The following ALCAM variants were observed in gnomAD, a reference collection of about 807,000 sequenced individuals.
ALCAM encodes the protein CD166 antigen.
Under a neutral mutation model 70.9 loss-of-function variants are expected in ALCAM, and 30 were observed. The ratio of observed to expected loss-of-function variants is 0.42; its 90% CI spans 0.32 to 0.57. The LOEUF is 0.57. ALCAM is among the 20% of genes least tolerant of loss of function. The pLI is 0.11. For synonymous variants in ALCAM, 249 were observed against 242.5 expected, an observed-to-expected ratio of 1.03 and a Z score of -0.25; for missense variants, 591 against 695.1, an observed-to-expected ratio of 0.85 and a Z score of 1.68.
chr3:105,473,745 T>G (rs1559803540), intron 1 of ALCAM, among the ~76,000 whole-genome samples: 1 of 151,476 alleles, frequency 6.6e-6, no homozygotes, highest in African/African-American at 2.4e-5. Flanking sequence ...TGTATAGGGC[T>G]CCCATCCACA....
chr3:105,497,962 C>T (rs1002442733), intron 1 of ALCAM, among the ~76,000 whole-genome samples: 12 of 149,496 alleles, frequency 8.0e-5, no homozygotes, highest in Non-Finnish European at 1.5e-4. Context: ...ACCTGGGAGG[C>T]GGAGCTTGCA....
At chr3:105,512,111 T>G (rs1939256355) in intron 1 of ALCAM, among the ~76,000 whole-genome samples, 1 of 152,064 alleles carries the variant, frequency 6.6e-6, no homozygotes, top group Non-Finnish European at 1.5e-5. Flanking sequence ...TTGAGGGATA[T>G]TAAAGCATTA....
At chr3:105,547,872 T>C (rs562577771) in intron 11 of ALCAM, among the ~76,000 whole-genome samples, 51 of 151,616 alleles carry the variant, frequency 3.4e-4, no homozygotes, top group Middle Eastern at 6.8e-3. Context: ...ATATACACTT[T>C]CCTGCAAAAT....
chr3:105,562,862 A>G (rs1940656362), intron 14 of ALCAM, among the ~76,000 whole-genome samples: 1 of 152,052 alleles, frequency 6.6e-6, no homozygotes, highest in Non-Finnish European at 1.5e-5. Flanking sequence ...CTGGAGCGCA[A>G]TGTCACGATC....
chr3:105,432,971 G>T (rs1349854574), intron 1 of ALCAM, among the ~76,000 whole-genome samples: 1 of 152,042 alleles, frequency 6.6e-6, no homozygotes, highest in African/African-American at 2.4e-5. Context: ...ACACTAAAAA[G>T]ATTTTCAGGT....
chr3:105,369,245 G>A (rs1348696254), intron 1 of ALCAM, among the ~76,000 whole-genome samples: 1 of 152,160 alleles, frequency 6.6e-6, no homozygotes, highest in African/African-American at 2.4e-5. Context: ...CGTCACAGGC[G>A]GGCCACGTCG....
rs976285561 is a variant in ALCAM at position 105,524,363 on chromosome 3, A to G, written c.249A>G (p.Val83=). 4 of 1,614,042 alleles carry G rather than the reference A, an allele frequency of 2.5e-6. No individual in the cohort carries two copies. The highest frequency in any genetic ancestry group is 1.3e-5 in the African/African-American group (1 of 74,916). Residue 83 remains valine, a synonymous_variant, in exon 3 of 16, where the codon GTA becomes GTG. Coordinates refer to ENST00000306107, the MANE Select transcript of ALCAM (RefSeq NM_001627.4). Reference sequence around the variant, plus strand: ...AGAAAAGTGTGCAGTACGACGATGTACCAGAATACAAAGACAGATTGAACC... The same window carrying G: ...AGAAAAGTGTGCAGTACGACGATGTGCCAGAATACAAAGACAGATTGAACC... ...STKKSVQYDD[V]PEYKDRLNLS...
intron 1 of ALCAM, among the ~76,000 whole-genome samples, chr3:105,385,925 T>G (rs147366969): frequency 1.1e-4 from 17 of 151,756 alleles, no homozygotes; most frequent in Non-Finnish European, 2.2e-4. Flanking sequence ...TGGTGGGTGC[T>G]GAAGACTTGT....
rs763119175 is a variant in ALCAM at position 105,503,393 on chromosome 3, AC to A, written c.74-16673del. ...TACTTAGTTATGTTGGGAAATGTGA[AC>A]TTTGTAGTTGAAAAATGCAGCAAAC... On this transcript the variant is annotated intron_variant, in intron 1 of 15. Transcript: ENST00000306107. Among the ~76,000 whole-genome samples the A allele has an allele frequency of 5.3e-4, 81 of 152,188 alleles. 2 individuals are homozygous for A. The highest frequency in any genetic ancestry group is 3.8e-3 in the Admixed American group (58 of 15,284).
chr3:105,391,515 G>A (rs1935817311), intron 1 of ALCAM, among the ~76,000 whole-genome samples: 2 of 151,816 alleles, frequency 1.3e-5, no homozygotes, highest in African/African-American at 4.8e-5. Context: ...TCTAGATATA[G>A]GATCATGTCA....
chr3:105,528,898 G>A (rs1419002966), intron 3 of ALCAM, among the ~76,000 whole-genome samples: 2 of 152,060 alleles, frequency 1.3e-5, no homozygotes, highest in Non-Finnish European at 2.9e-5. Flanking sequence ...ATTACAAACC[G>A]AAACCATTTG....
chr3:105,520,080 T>C lies in ALCAM; in HGVS notation c.87T>C (p.Tyr29=). 6.2e-7 allele frequency: 1 copy of C among 1,608,596 alleles called. No homozygotes were observed. The highest frequency in any genetic ancestry group is 8.5e-7 in the Non-Finnish European group (1 of 1,175,902). Residue 29 remains tyrosine, a synonymous_variant, in exon 2 of 16, where the codon TAT becomes TAC. Transcript: ENST00000306107. The part of the protein sequence containing the change: ...ATVFRPGLGW[Y]TVNSAYGDTI... ...TTTCCCCCAAAGGCCTTGGATGGTA[T>C]ACTGTAAATTCAGCATATGGAGATA...
At chr3:105,432,106 T>C (rs1045684073) in intron 1 of ALCAM, among the ~76,000 whole-genome samples, 2 of 152,152 alleles carry the variant, frequency 1.3e-5, no homozygotes, top group Non-Finnish European at 2.9e-5. Context: ...TTAGAGAATA[T>C]TCAGTAAAGC....
intron 6 of ALCAM, among the ~76,000 whole-genome samples, chr3:105,535,668 C>T (rs976862893): frequency 6.6e-6 from 1 of 151,992 alleles, no homozygotes; most frequent in Admixed American, 6.6e-5. Context: ...TTATTAAGTA[C>T]TTTATTATTA....
rs2152628909 is a variant in ALCAM at position 105,540,161 on chromosome 3, C to T, written c.858+59C>T. ...TATCATTTTTCCTGTTGTTTGACTT[C>T]TACATGGATAGATTAAGTGAGAAAA... is the stretch of plus-strand genomic sequence containing the variant. On this transcript the variant is annotated intron_variant, in intron 7 of 15. Coordinates refer to ENST00000306107, the MANE Select transcript of ALCAM (RefSeq NM_001627.4). 8 of 1,521,208 alleles carry T rather than the reference C, an allele frequency of 5.3e-6. No homozygotes were observed. In the East Asian group the frequency reaches 1.8e-4, roughly 35 times the overall value. 94.2% of individuals were successfully genotyped at this position (1,521,208 alleles called of 1,614,324 possible). A position where few individuals can be genotyped will look rare whatever the true frequency, so the allele number is the denominator to read the frequency against.
At chr3:105,487,173 A>T (rs1938454145) in intron 1 of ALCAM, among the ~76,000 whole-genome samples, 2 of 152,050 alleles carry the variant, frequency 1.3e-5, no homozygotes, top group Non-Finnish European at 2.9e-5. Context: ...ACCATGAAAA[A>T]AATTCTGGGG....
intron 1 of ALCAM, among the ~76,000 whole-genome samples, chr3:105,459,517 G>A (rs1937575679): frequency 6.6e-6 from 1 of 151,702 alleles, no homozygotes; most frequent in South Asian, 2.1e-4. Flanking sequence ...GCTTTCGGTG[G>A]GCAATAAATT....
chr3:105,567,135 T>A (rs1940760046), intron 14 of ALCAM, among the ~76,000 whole-genome samples: 1 of 152,180 alleles, frequency 6.6e-6, no homozygotes. Context: ...ATGTTATTGT[T>A]CTCCTGAACA....
At chr3:105,403,240 C>T (rs1936136460) in intron 1 of ALCAM, among the ~76,000 whole-genome samples, 1 of 152,188 alleles carries the variant, frequency 6.6e-6, no homozygotes, top group African/African-American at 2.4e-5. Flanking sequence ...AACCGCCACA[C>T]CCAGCTCTGA....
Sources: gnomAD v4.1 joint callset for allele counts (sites outside exome capture counted in the v4.1 genomes callset) on GRCh38, gnomAD v4.1.1 for gene constraint, MANE v1.5 for transcripts, NCBI Gene and HGNC (gene_info 2026-07-23, HGNC 2026-07-21) for gene names.